Variants in RBFOX3 observed in about 807,000 individuals in gnomAD.
The protein encoded by RBFOX3 is RNA binding protein fox-1 homolog 3.
Under a neutral mutation model 48.7 loss-of-function variants are expected in RBFOX3, and 17 were observed. The observed-to-expected ratio is 0.35, with a 90% CI of 0.24 to 0.52. The LOEUF (loss-of-function observed/expected upper bound fraction) is 0.52. Among genes scored for constraint, RBFOX3 ranks in the 20% least tolerant of loss-of-function variants. RBFOX3 has a pLI of 0.94. For missense variants in RBFOX3, 382 were observed against 497.5 expected (o/e 0.77, Z 2.21); for synonymous variants, 212 against 209.5 (o/e 1.01, Z -0.10).
rs936400304 is a variant in RBFOX3, at chr17:79,557,879, C to T, written c.-320+52947G>A. ...GGTCACGAGCAAAACCTGCCGAGGA[C>T]GCAGGGGGTGGCGCTGCGGTTGTTT... On this transcript the variant is annotated intron_variant, in intron 1 of 14. Transcript: ENST00000693108. Among the ~76,000 whole-genome samples, 854 of 152,276 alleles carry T rather than the reference C, an allele frequency of 5.6e-3. 4 individuals are homozygous for T. Among genetic ancestry groups the T allele is most frequent in the African/African-American group, 0.019 (799 of 41,552 alleles).
intron 4 of RBFOX3, among the ~76,000 whole-genome samples, chr17:79,227,569 C>T (rs960903635): frequency 1.3e-5 from 2 of 152,252 alleles, no homozygotes; most frequent in Non-Finnish European, 2.9e-5. Context: ...CAGCACAGGG[C>T]CCCGCTCATT....
At chr17:79,209,784 G>A (rs1347242436) in intron 4 of RBFOX3, among the ~76,000 whole-genome samples, 1 of 152,110 alleles carries the variant, frequency 6.6e-6, no homozygotes, top group African/African-American at 2.4e-5. Context: ...ACGAGGTCAG[G>A]GGATCGAGAC....
At chr17:79,516,520 G>C (rs1442962463) in intron 1 of RBFOX3, among the ~76,000 whole-genome samples, 1 of 152,232 alleles carries the variant, frequency 6.6e-6, no homozygotes, top group South Asian at 2.1e-4. Context: ...CCAGGCCTTA[G>C]AAAGAGCCAG....
At chr17:79,303,850 C>CATGT (rs1568007584) in intron 3 of RBFOX3, among the ~76,000 whole-genome samples, 1 of 59,106 alleles carries the variant, frequency 1.7e-5, no homozygotes, top group African/African-American at 6.3e-5. Flanking sequence ...TGCATGTCTG[C>CATGT]CTGTGTGTGT....
intron 1 of RBFOX3, among the ~76,000 whole-genome samples, chr17:79,580,079 C>T (rs2093004928): frequency 6.6e-6 from 1 of 152,046 alleles, no homozygotes; most frequent in African/African-American, 2.4e-5. Flanking sequence ...GCACCTGGTA[C>T]CTTCCCAATC....
chr17:79,378,433 G>A (rs945174625), intron 2 of RBFOX3, among the ~76,000 whole-genome samples: 2 of 152,210 alleles, frequency 1.3e-5, no homozygotes, highest in Non-Finnish European at 2.9e-5. Context: ...AACAGGTAGA[G>A]GATATATTTA....
chr17:79,096,904 T>G lies in RBFOX3; in HGVS notation c.756-71A>C, dbSNP rs1457818198. The G allele has an allele frequency of 1.6e-5, 10 of 612,230 alleles. 1 individual carries two copies. In the South Asian group the frequency reaches 1.7e-4, roughly 11 times the overall value. The allele number at this position is 612,230 out of a possible 1,614,324, so 37.9% of individuals were successfully genotyped here. ...TTTCTCCCACAAACCCCGGGGCCCA[T>G]AGCCCACCCGACCCCAGGCAGCTGT... is the stretch of plus-strand genomic sequence containing the variant. On this transcript the variant is annotated intron_variant, in intron 11 of 14. Coordinates refer to ENST00000693108, the MANE Select transcript of RBFOX3 (RefSeq NM_001350451.2).
At chr17:79,188,837 C>A (rs1380796) in intron 4 of RBFOX3, among the ~76,000 whole-genome samples, 42,504 of 152,248 alleles carry the variant, frequency 0.28, 7,076 homozygotes, top group Admixed American at 0.42. Flanking sequence ...GGGTAAGAGG[C>A]CTTGGAAGCT....
chr17:79,195,089 G>C lies in RBFOX3; in HGVS notation c.-34+40677C>G, dbSNP rs1422840794. Among the ~76,000 whole-genome samples the C allele has an allele frequency of 6.6e-6, 1 of 152,032 alleles. No homozygotes were observed. Reference sequence around the variant, plus strand: ...CATTGCCTGCGCGGTGCCTGGCCACGGGTAGCCTCTCAAGAAGAAGTGCAG... The same window carrying C: ...CATTGCCTGCGCGGTGCCTGGCCACCGGTAGCCTCTCAAGAAGAAGTGCAG... On this transcript the variant is annotated intron_variant, in intron 4 of 14. Transcript: ENST00000693108. This position sits in a 1 kb window ranked among gnomAD's most constrained non-coding sequence, Gnocchi z 5.3.
intron 2 of RBFOX3, among the ~76,000 whole-genome samples, chr17:79,376,422 C>G (rs1210065369): frequency 2.6e-5 from 4 of 152,170 alleles, no homozygotes; most frequent in Non-Finnish European, 4.4e-5. Context: ...GCAGGACCCT[C>G]TCTCTGCAGA....
chr17:79,170,166 A>AG (rs1365832048), intron 4 of RBFOX3, among the ~76,000 whole-genome samples: 36 of 148,088 alleles, frequency 2.4e-4, no homozygotes, highest in African/African-American at 8.0e-4. Flanking sequence ...AGGAGGAAGG[A>AG]GGAAGGAAGG....
At chr17:79,448,063 G>A (rs1204601308) in intron 2 of RBFOX3, among the ~76,000 whole-genome samples, 2 of 152,304 alleles carry the variant, frequency 1.3e-5, no homozygotes, top group East Asian at 3.9e-4. Context: ...GAAGTTTCCT[G>A]AGGCCTCCCA....
chr17:79,441,381 G>A (rs142327627), intron 2 of RBFOX3, among the ~76,000 whole-genome samples: 6 of 152,318 alleles, frequency 3.9e-5, no homozygotes, highest in African/African-American at 1.4e-4. Flanking sequence ...GAAGTAAGGT[G>A]CAGATAGAGA....
chr17:79,399,572 G>A (rs2062514552), intron 2 of RBFOX3, among the ~76,000 whole-genome samples: 2 of 152,122 alleles, frequency 1.3e-5, no homozygotes, highest in Admixed American at 6.5e-5. Flanking sequence ...CACGGTGGCC[G>A]CACCAGGGCC....
At chr17:79,157,106 G>C (rs1303692628) in intron 4 of RBFOX3, among the ~76,000 whole-genome samples, 1 of 152,156 alleles carries the variant, frequency 6.6e-6, no homozygotes, top group Non-Finnish European at 1.5e-5. Flanking sequence ...GGCCCCCAGA[G>C]ACTCAGAGAA....
chr17:79,611,130 T>TTCTC (rs1173570495), upstream of RBFOX3, among the ~76,000 whole-genome samples: 99 of 37,826 alleles, frequency 2.6e-3, 18 homozygotes, highest in East Asian at 0.015. Flanking sequence ...TCCGCCCTCC[T>TTCTC]TCTCTCTCTC....
rs1391650758 is a variant in RBFOX3, at chr17:79,391,532, G to C, written c.-174-83708C>G. Among the ~76,000 whole-genome samples, 3 of 152,150 alleles carry C rather than the reference G, an allele frequency of 2.0e-5. No homozygotes were observed. Among genetic ancestry groups the C allele is most frequent in the Non-Finnish European group, 4.4e-5 (3 of 68,040 alleles). On this transcript the variant is annotated intron_variant, in intron 2 of 14. Transcript: ENST00000693108. The surrounding 1 kb of genome is among the most constrained non-coding windows in gnomAD (Gnocchi z 5.0). ...CCGCCCAAATACGGCAAATGCCACC[G>C]ATTTTAATCTCACCCGAAACCAACC...
At chr17:79,102,099 G>A (rs1009673442) in intron 8 of RBFOX3, among the ~76,000 whole-genome samples, 5 of 152,176 alleles carry the variant, frequency 3.3e-5, no homozygotes, top group Non-Finnish European at 7.4e-5. Context: ...CCCGAGGCCA[G>A]AGTCCTCAAT....
At chr17:79,104,148 G>T in intron 6 of RBFOX3, 22 bp from the exon 7 acceptor site, 1 of 1,548,140 alleles carries the variant, frequency 6.5e-7, no homozygotes, top group Non-Finnish European at 8.7e-7. Context: ...GAGACAAAGA[G>T]GGAGTGGGGC....
Sources: allele counts gnomAD v4.1 joint callset (sites outside exome capture counted in the v4.1 genomes callset), GRCh38; gene constraint gnomAD v4.1.1; non-coding constraint Gnocchi (gnomAD v3.1); transcripts MANE v1.5; gene names NCBI Gene and HGNC (gene_info 2026-07-23, HGNC 2026-07-21).